Variants in ASCC3 observed in about 807,000 individuals in gnomAD.
ASCC3 encodes activating signal cointegrator 1 complex subunit 3, also known as ASC-1 complex subunit P200.
In ASCC3, 158 loss-of-function variants were observed where a neutral mutation model predicts 256.3. The observed-to-expected ratio is 0.62, with a 90% confidence interval of 0.54 to 0.70. The LOEUF is 0.70. ASCC3 is among the 30% of genes least tolerant of loss of function. The probability of loss-of-function intolerance (pLI) is 0.00; values close to 1 mark genes in which losing one functional copy is unlikely to be tolerated. For missense variants in ASCC3, 2,259 were observed against 2,626.0 expected, an observed-to-expected ratio of 0.86 and a Z score of 3.05; for synonymous variants, 948 against 883.4, an observed-to-expected ratio of 1.07 and a Z score of -1.30.
At chr6:100,689,660 A>G (rs1322188317) in intron 13 of ASCC3, among the ~76,000 whole-genome samples, 1 of 152,188 alleles carries the variant, frequency 6.6e-6, no homozygotes, top group Admixed American at 6.5e-5. Context: ...AAAAGTTTAT[A>G]AATTATAATA....
chr6:100,618,571 A>C (rs1185448912), intron 30 of ASCC3, among the ~76,000 whole-genome samples: 3 of 152,196 alleles, frequency 2.0e-5, no homozygotes, highest in Non-Finnish European at 2.9e-5. Context: ...AAAGAGATGA[A>C]AATTATGCAT....
rs181582727 is a variant in ASCC3, at chr6:100,561,141, A to T, written c.5551-20754T>A. On this transcript the variant is annotated intron_variant, in intron 36 of 41. Coordinates refer to ENST00000369162, the MANE Select transcript of ASCC3 (RefSeq NM_006828.4). The stretch of plus-strand genomic sequence containing the variant: ...CTTCTCCAAAAAGAAAAAAAAAAAA[A>T]ACCATTGCTTGGTCTACAAATAGCA... 5.0e-4 allele frequency among the ~76,000 whole-genome samples: 76 copies of T among 152,100 alleles called. No homozygotes were observed. The East Asian group carries it at 0.014, about 27-fold the overall frequency.
At chr6:100,718,452 C>G (rs1333649096) in intron 11 of ASCC3, among the ~76,000 whole-genome samples, 1 of 151,904 alleles carries the variant, frequency 6.6e-6, no homozygotes, top group Non-Finnish European at 1.5e-5. Flanking sequence ...ATTCCATACC[C>G]ACTATAATTA....
chr6:100,700,647 T>G (rs1212112212), intron 13 of ASCC3, among the ~76,000 whole-genome samples: 1 of 152,236 alleles, frequency 6.6e-6, no homozygotes, highest in Non-Finnish European at 1.5e-5. Flanking sequence ...GCCCACCTCT[T>G]GCATTCAGCA....
At chr6:100,678,900 G>A (rs958691909) in intron 14 of ASCC3, among the ~76,000 whole-genome samples, 12 of 152,058 alleles carry the variant, frequency 7.9e-5, no homozygotes, top group African/African-American at 2.4e-4. Context: ...TTTGGCCTTC[G>A]GGCCATAATC....
intron 30 of ASCC3, among the ~76,000 whole-genome samples, chr6:100,624,931 C>T (rs1163102306): frequency 1.3e-5 from 2 of 151,532 alleles, no homozygotes; most frequent in African/African-American, 4.8e-5. Flanking sequence ...GCAGTGAATA[C>T]TTAAAGAATA....
At chr6:100,835,082 G>C (rs1305022192) in intron 4 of ASCC3, among the ~76,000 whole-genome samples, 1 of 136,760 alleles carries the variant, frequency 7.3e-6, no homozygotes, top group Admixed American at 7.3e-5. Flanking sequence ...AGCCTTCGAG[G>C]AAAAAAAAAA....
chr6:100,544,322 G>C (rs977575617), intron 36 of ASCC3, among the ~76,000 whole-genome samples: 1 of 152,058 alleles, frequency 6.6e-6, no homozygotes, highest in East Asian at 1.9e-4. Context: ...GAAAATTAAA[G>C]TGAACAAATC....
At chr6:100,621,207 T>C (rs1773934539) in intron 30 of ASCC3, among the ~76,000 whole-genome samples, 1 of 152,174 alleles carries the variant, frequency 6.6e-6, no homozygotes, top group African/African-American at 2.4e-5. Context: ...CTGGAAGCTG[T>C]TATCCTCAGC....
intron 8 of ASCC3, among the ~76,000 whole-genome samples, chr6:100,794,965 A>C (rs1180182607): frequency 2.6e-5 from 4 of 152,060 alleles, no homozygotes; most frequent in Non-Finnish European, 5.9e-5. Context: ...TCCTACTTTT[A>C]AGGGTAATAA....
At chr6:100,766,866 T>G (rs1055177743) in intron 9 of ASCC3, among the ~76,000 whole-genome samples, 161 bp from the exon 10 acceptor site, 1 of 152,266 alleles carries the variant, frequency 6.6e-6, no homozygotes, top group South Asian at 2.1e-4. Context: ...CTTTGTGAGA[T>G]ATGTGTGTAG....
At chr6:100,595,750 C>T (rs1334765335) in intron 34 of ASCC3, among the ~76,000 whole-genome samples, 1 of 152,038 alleles carries the variant, frequency 6.6e-6, no homozygotes, top group African/African-American at 2.4e-5. Flanking sequence ...CCTTGTGCTT[C>T]CTTTATTTAT....
rs1408557728 is a variant in ASCC3, at chr6:100,699,678, G to C, written c.2151+15784C>G. ...GTTTGGATCTCCCTAGAGACTTGTT[G>C]AATGGCTTTGAACAAAATGCTGATA... On this transcript the variant is annotated intron_variant, in intron 13 of 41. Transcript: ENST00000369162. Among the ~76,000 whole-genome samples, 3 of 152,150 alleles carry C rather than the reference G, an allele frequency of 2.0e-5. No homozygotes were observed. In the East Asian group the frequency reaches 5.8e-4, roughly 29 times the overall value.
intron 36 of ASCC3, among the ~76,000 whole-genome samples, chr6:100,573,135 T>C (rs1280695384): frequency 1.3e-5 from 2 of 152,130 alleles, no homozygotes; most frequent in African/African-American, 4.8e-5. Flanking sequence ...TCTTTTTCTC[T>C]GTTACATAAA....
chr6:100,877,502 A>C (rs1774061072), intron 1 of ASCC3, among the ~76,000 whole-genome samples: 1 of 152,192 alleles, frequency 6.6e-6, no homozygotes, highest in Non-Finnish European at 1.5e-5. Flanking sequence ...CTCAGAAAAT[A>C]ACCATCGTCG....
chr6:100,707,643 G>A lies in ASCC3; in HGVS notation c.2151+7819C>T, dbSNP rs1778666661. Among the ~76,000 whole-genome samples the A allele has an allele frequency of 2.0e-5, 3 of 152,070 alleles. No individual in the cohort carries two copies. The South Asian group carries it at 6.2e-4, about 32-fold the overall frequency. ...CTCTTTAATAGGGTAAAACAAAAGTGTGCCAGGCAGCTACTGCTAAGAGAG... is the reference window on the plus strand; with the variant it reads ...CTCTTTAATAGGGTAAAACAAAAGTATGCCAGGCAGCTACTGCTAAGAGAG... On this transcript the variant is annotated intron_variant, in intron 13 of 41. Coordinates refer to ENST00000369162, the MANE Select transcript of ASCC3 (RefSeq NM_006828.4).
chr6:100,677,011 T>C (rs979080548), intron 14 of ASCC3, among the ~76,000 whole-genome samples: 18 of 152,150 alleles, frequency 1.2e-4, no homozygotes, highest in Admixed American at 7.2e-4. Context: ...ATTTACCTTC[T>C]AATTAAATTT....
rs138275036 is a variant in ASCC3, at chr6:100,727,641, T to C, written c.1738-1938A>G. ...AGCTATGGATCTGAACTTTCTGTTC[T>C]GGGTTTGTAACAACAACAACAACAA... On this transcript the variant is annotated intron_variant, in intron 10 of 41. Transcript: ENST00000369162. 1.8e-4 allele frequency among the ~76,000 whole-genome samples: 26 copies of C among 142,518 alleles called. 1 individual carries two copies. The highest frequency in any genetic ancestry group is 6.8e-4 in the African/African-American group (26 of 38,388). The allele number at this position is 142,518 out of a possible 152,430, so 93.5% of individuals were successfully genotyped here.
intron 36 of ASCC3, among the ~76,000 whole-genome samples, chr6:100,557,315 G>A (rs1769644779): frequency 6.6e-6 from 1 of 152,030 alleles, no homozygotes; most frequent in African/African-American, 2.4e-5. Context: ...GCTTTAGCTG[G>A]ATCTCATAAG....
Sources: allele counts gnomAD v4.1 joint callset (sites outside exome capture counted in the v4.1 genomes callset), GRCh38; gene constraint gnomAD v4.1.1; transcripts MANE v1.5; gene names NCBI Gene and HGNC (gene_info 2026-07-23, HGNC 2026-07-21).